The following ELF1 variants were observed in gnomAD, a reference collection of about 807,000 sequenced individuals.
ELF1 encodes E74 like ETS transcription factor 1.
A neutral mutation model predicts 59.9 loss-of-function variants in ELF1; 24 were observed. The observed-to-expected ratio is 0.40, with a 90% confidence interval of 0.29 to 0.56. The LOEUF (loss-of-function observed/expected upper bound fraction) is 0.56, where lower values mean the gene tolerates loss of function less well. Among genes scored for constraint, ELF1 ranks in the 20% least tolerant of loss-of-function variants. ELF1 has a pLI of 0.44. For synonymous variants in ELF1, 248 were observed against 266.2 expected, an observed-to-expected ratio of 0.93 and a Z score of 0.67; for missense variants, 627 against 742.2, an observed-to-expected ratio of 0.84 and a Z score of 1.80.
rs1159571272 is a variant in ELF1, at chr13:40,935,919, C to T, written c.1257-1891G>A. ...TGAACTCCTGACATCATTGGCATCA[C>T]GTGAGCCACCGTGCCCAGCCCAGAT... On this transcript the variant is annotated intron_variant, in intron 8 of 8. Coordinates refer to ENST00000239882, the MANE Select transcript of ELF1 (RefSeq NM_172373.4). 4.6e-5 allele frequency among the ~76,000 whole-genome samples: 7 copies of T among 152,152 alleles called. No individual in the cohort carries two copies. The East Asian group carries it at 9.7e-4, about 21-fold the overall frequency.
chr13:40,966,291 T>C (rs1026609305), intron 2 of ELF1, among the ~76,000 whole-genome samples: 3 of 152,230 alleles, frequency 2.0e-5, no homozygotes, highest in Non-Finnish European at 4.4e-5. Context: ...GTTTCATAAC[T>C]TTCTTGAAGG....
chr13:41,004,778 T>C (rs1874649500), intron 1 of ELF1, among the ~76,000 whole-genome samples: 1 of 152,106 alleles, frequency 6.6e-6, no homozygotes, highest in African/African-American at 2.4e-5. Context: ...GCCTAAAAAA[T>C]GTCACAAAAG....
intron 1 of ELF1, 21 bp downstream of exon 1, chr13:41,019,207 T>C (rs923338783): frequency 1.8e-4 from 180 of 985,294 alleles, no homozygotes; most frequent in Non-Finnish European, 2.1e-4. Flanking sequence ...GAAGCAAACA[T>C]ACAAAATTGT....
At chr13:40,996,375 T>A (rs1874128513) in intron 1 of ELF1, among the ~76,000 whole-genome samples, 1 of 152,234 alleles carries the variant, frequency 6.6e-6, no homozygotes, top group African/African-American at 2.4e-5. Context: ...TACAGCAGCT[T>A]TATTCATAAT....
upstream of ELF1, chr13:41,019,383 C>T (rs1875598610): frequency 1.0e-6 from 1 of 985,360 alleles, no homozygotes; most frequent in Middle Eastern, 5.2e-4. Context: ...AAGGGAGGCA[C>T]GCCCATGTTG....
intron 1 of ELF1, among the ~76,000 whole-genome samples, chr13:41,052,938 A>G (rs1192296863): frequency 6.6e-6 from 1 of 152,206 alleles, no homozygotes; most frequent in Non-Finnish European, 1.5e-5. Flanking sequence ...GCAAAAAATA[A>G]TTTTGAAAAG....
At chr13:41,024,959 T>C (rs1566192910) in intron 1 of ELF1, among the ~76,000 whole-genome samples, 1 of 152,170 alleles carries the variant, frequency 6.6e-6, no homozygotes, top group African/African-American at 2.4e-5. Flanking sequence ...AATTCACCCA[T>C]CACTCTGCTA....
intron 1 of ELF1, chr13:40,992,813 T>G (rs537425097): frequency 2.0e-6 from 1 of 488,428 alleles, no homozygotes; most frequent in South Asian, 2.2e-5. Flanking sequence ...ATGTGAGGAT[T>G]AGGAGCCAAC....
intron 1 of ELF1, among the ~76,000 whole-genome samples, chr13:41,031,672 T>C (rs1876166073): frequency 6.6e-6 from 1 of 151,344 alleles, no homozygotes; most frequent in African/African-American, 2.4e-5. Context: ...ACAAAAAAAT[T>C]AGCCAGGGGT....
rs74046230 is a variant in ELF1, at chr13:40,989,767, G to C, written c.-228-7485C>G. Among the ~76,000 whole-genome samples, 927 of 152,166 alleles carry C rather than the reference G, an allele frequency of 6.1e-3. 5 individuals carry two copies. Among genetic ancestry groups the C allele is most frequent in the African/African-American group, 0.021 (887 of 41,516 alleles). On this transcript the variant is annotated intron_variant, in intron 1 of 8. Transcript: ENST00000239882. ...TCGTGCTCAAATTCTACTACATGGTGAAAATTCTAGCATTTTCCAGAAATA... is the reference window on the plus strand; with the variant it reads ...TCGTGCTCAAATTCTACTACATGGTCAAAATTCTAGCATTTTCCAGAAATA...
At position 40,971,284 on chromosome 13, in the gene ELF1, G is replaced by A. The variant is rs182860320; in HGVS notation, c.72+10699C>T. Among the ~76,000 whole-genome samples, 190 of 151,954 alleles carry A rather than the reference G, an allele frequency of 1.3e-3. 2 individuals carry two copies. The highest frequency in any genetic ancestry group is 9.3e-4 in the Non-Finnish European group (63 of 67,956). On this transcript the variant is annotated intron_variant, in intron 2 of 8. Coordinates refer to ENST00000239882, the MANE Select transcript of ELF1 (RefSeq NM_172373.4). Reference sequence around the variant, plus strand: ...TCTTTTTCTTTTTTTTTGAGACAGGGTCTTACTCTGTCACCCAGGCTACAG... The same window carrying A: ...TCTTTTTCTTTTTTTTTGAGACAGGATCTTACTCTGTCACCCAGGCTACAG...
At chr13:41,037,068 C>T (rs1473752853) in intron 1 of ELF1, among the ~76,000 whole-genome samples, 3 of 151,432 alleles carry the variant, frequency 2.0e-5, no homozygotes, top group Non-Finnish European at 1.5e-5. Context: ...CAAACCTGCA[C>T]GTTGTACACA....
chr13:41,005,749 A>G (rs1874711297), intron 1 of ELF1, among the ~76,000 whole-genome samples: 3 of 152,198 alleles, frequency 2.0e-5, no homozygotes, highest in Admixed American at 2.0e-4. Flanking sequence ...AGTCATGTTA[A>G]CCAACCTTCC....
At chr13:40,987,494 G>C (rs1873616082) in intron 1 of ELF1, among the ~76,000 whole-genome samples, 1 of 147,496 alleles carries the variant, frequency 6.8e-6, no homozygotes, top group Non-Finnish European at 1.5e-5. Context: ...ACTGAGGCAG[G>C]AGAATTGCTT....
At chr13:41,059,875 T>A (rs1877435756) in intron 1 of ELF1, among the ~76,000 whole-genome samples, 1 of 152,154 alleles carries the variant, frequency 6.6e-6, no homozygotes, top group South Asian at 2.1e-4. Context: ...TTTAATCAAT[T>A]TTTTTCTTTA....
chr13:40,966,445 C>T (rs1872177960), intron 2 of ELF1, among the ~76,000 whole-genome samples: 1 of 152,124 alleles, frequency 6.6e-6, no homozygotes, highest in Admixed American at 6.6e-5. Context: ...CACAGTTCCC[C>T]AAATTTCAAC....
intron 1 of ELF1, among the ~76,000 whole-genome samples, chr13:41,033,313 A>C (rs1459487371): frequency 6.6e-6 from 1 of 152,238 alleles, no homozygotes; most frequent in Non-Finnish European, 1.5e-5. Context: ...CATCTGTGAA[A>C]GGGACAGTTA....
chr13:40,990,015 A>G lies in ELF1; in HGVS notation c.-228-7733T>C, dbSNP rs535489298. On this transcript the variant is annotated intron_variant, in intron 1 of 8. Transcript: ENST00000239882. ...GTCCACTAATAAACATTGGTGGAGT[A>G]CAATATATGGTTATAGATTAAGTAT... Among the ~76,000 whole-genome samples the G allele has an allele frequency of 2.2e-4, 32 of 146,174 alleles. 1 individual carries two copies. In the South Asian group the frequency reaches 5.5e-3, roughly 25 times the overall value.
chr13:41,050,393 T>C (rs1254166306), intron 1 of ELF1, among the ~76,000 whole-genome samples: 1 of 152,214 alleles, frequency 6.6e-6, no homozygotes, highest in Non-Finnish European at 1.5e-5. Context: ...ACTTTAACCA[T>C]TCATCCACTG....
Sources: gnomAD v4.1 joint callset for allele counts (sites outside exome capture counted in the v4.1 genomes callset) on GRCh38, gnomAD v4.1.1 for gene constraint, MANE v1.5 for transcripts, NCBI Gene and HGNC (gene_info 2026-07-23, HGNC 2026-07-21) for gene names.